PUS10: variants seen among roughly 807,000 people sequenced by gnomAD.
PUS10 encodes tRNA pseudouridine synthase Pus10.
A neutral mutation model predicts 75.0 loss-of-function variants in PUS10; 59 were observed. The ratio of observed to expected loss-of-function variants is 0.79; its 90% CI spans 0.64 to 0.98. The LOEUF (loss-of-function observed/expected upper bound fraction) is 0.98. Ranked by LOEUF, PUS10 falls within the 50% of genes least tolerant of loss-of-function variation. The pLI is 0.00. For missense variants in PUS10, 650 were observed against 614.4 expected, an observed-to-expected ratio of 1.06 and a Z score of -0.61; for synonymous variants, 219 against 211.6, an observed-to-expected ratio of 1.03 and a Z score of -0.30.
intron 4 of PUS10, 84 bp from the exon 5 acceptor site, chr2:60,971,641 G>A (rs2104416817): frequency 3.2e-6 from 4 of 1,269,266 alleles, no homozygotes; most frequent in South Asian, 2.5e-5. Flanking sequence ...TTACTGAAGT[G>A]CTTAACTATT....
chr2:60,972,800 C>G (rs934688706), intron 4 of PUS10, among the ~76,000 whole-genome samples: 6 of 152,200 alleles, frequency 3.9e-5, no homozygotes, highest in Non-Finnish European at 8.8e-5. Context: ...TTCGGATGAC[C>G]AGTAGGGTAC....
Position 60,948,093 on chromosome 2 carries a change from C to T in PUS10, c.1401G>A (p.Gln467=), listed in dbSNP as rs770325223. 1 of 1,614,012 alleles carries T rather than the reference C, an allele frequency of 6.2e-7. No individual in the cohort carries two copies. Residue 467 remains glutamine, a synonymous_variant, in exon 16 of 18, where the codon CAG becomes CAA. Coordinates refer to ENST00000316752, the MANE Select transcript of PUS10 (RefSeq NM_144709.4). The stretch of plus-strand genomic sequence containing the variant: ...GGCGGAAGTGGTGCTCATCCACGTA[C>T]TGTGTCTCCATGAAGTGAATGACGC... ...RARVIHFMET[Q]YVDEHHFRLH... is the part of the protein sequence containing the mutation.
intron 4 of PUS10, among the ~76,000 whole-genome samples, chr2:61,000,428 C>T (rs1034439730): frequency 6.6e-6 from 1 of 152,154 alleles, no homozygotes; most frequent in African/African-American, 2.4e-5. Flanking sequence ...TAAAACAACA[C>T]CAATTTATTA....
At chr2:60,952,786 G>A (rs1675422353) in intron 15 of PUS10, among the ~76,000 whole-genome samples, 2 of 152,212 alleles carry the variant, frequency 1.3e-5, no homozygotes. Flanking sequence ...TCAGAGTGGG[G>A]GTCTTCCCCA....
intron 2 of PUS10, chr2:61,010,485 C>A (rs1260329221): frequency 1.8e-5 from 4 of 219,610 alleles, no homozygotes; most frequent in Non-Finnish European, 2.8e-5. Flanking sequence ...TGCCATGGCG[C>A]CCAGCTAATA....
intron 16 of PUS10, among the ~76,000 whole-genome samples, chr2:60,947,840 A>G (rs1675057205): frequency 6.6e-6 from 1 of 151,248 alleles, no homozygotes; most frequent in Non-Finnish European, 1.5e-5. Flanking sequence ...AAAAAAAAAA[A>G]AAAAAAAAAA....
intron 16 of PUS10, among the ~76,000 whole-genome samples, chr2:60,945,921 T>A (rs1000038355): frequency 3.3e-5 from 5 of 152,216 alleles, no homozygotes; most frequent in Admixed American, 1.3e-4. Context: ...TAGAAAATAA[T>A]TAATGGAACT....
In PUS10 at chr2:60,960,476, A is replaced by G; in HGVS notation, c.916T>C (p.Trp306Arg). The change falls in exon 11 of 18, where the codon TGG becomes CGG. Residue 306 changes from tryptophan to arginine, a missense_variant. Transcript: ENST00000316752. ...KYSRNLPQTPWIIDGERKLES... is the reference protein window; with the variant it reads ...KYSRNLPQTPRIIDGERKLES... ...AGCTTCCTTTCTCCATCAATTATCC[A>G]AGGAGTTTGTGGTAGATTCCTGGAG... 6.4e-7 allele frequency: 1 copy of G among 1,573,458 alleles called. No individual in the cohort carries two copies.
chr2:60,957,010 A>G (rs1336817638), intron 11 of PUS10, among the ~76,000 whole-genome samples: 1 of 151,362 alleles, frequency 6.6e-6, no homozygotes, highest in Non-Finnish European at 1.5e-5. Context: ...AGAAAGAAAA[A>G]AAAAGAAAAA....
In PUS10 at chr2:60,961,537, C is replaced by G; in HGVS notation, c.800G>C (p.Cys267Ser). 6.2e-7 allele frequency: 1 copy of G among 1,613,552 alleles called. No homozygotes were observed. The highest frequency in any genetic ancestry group is 2.2e-5 in the East Asian group (1 of 44,874). The change falls in exon 10 of 18, where the codon TGT becomes TCT. Residue 267 changes from cysteine to serine, a missense_variant. Transcript: ENST00000316752. ...KEEDFLKQFPCPPNSPKAVCA... is the reference protein window; with the variant it reads ...KEEDFLKQFPSPPNSPKAVCA... ...TACAGCCTTTGGTGAGTTTGGAGGA[C>G]AAGGAAACTGCCTGCAAAACAAAAT...
intron 4 of PUS10, among the ~76,000 whole-genome samples, chr2:60,974,990 C>T (rs1391606809): frequency 6.6e-6 from 1 of 152,244 alleles, no homozygotes; most frequent in Non-Finnish European, 1.5e-5. Context: ...CCCGTAACAC[C>T]AGTGCCTGAA....
chr2:60,980,210 ACT>A (rs1435065992), intron 4 of PUS10, among the ~76,000 whole-genome samples: 1 of 152,172 alleles, frequency 6.6e-6, no homozygotes, highest in Non-Finnish European at 1.5e-5. Flanking sequence ...ATTTCAGGTA[ACT>A]CTAGAGTTAA....
chr2:61,015,725 G>A lies in PUS10; in HGVS notation c.-16+2283C>T, dbSNP rs948999320. Among the ~76,000 whole-genome samples the A allele has an allele frequency of 2.5e-4, 38 of 151,944 alleles. 1 individual carries two copies. The highest frequency in any genetic ancestry group is 1.5e-4 in the Non-Finnish European group (10 of 67,970). ...ATAAATAAATAAATAAGATCTGTGT[G>A]GTCAAGGTCAAGTCATTACTATTTA... is the stretch of plus-strand genomic sequence containing the variant. On this transcript the variant is annotated intron_variant, in intron 1 of 17. Coordinates refer to ENST00000316752, the MANE Select transcript of PUS10 (RefSeq NM_144709.4).
rs573043982 is a variant in PUS10, at chr2:60,948,655, G to C, written c.1309-470C>G. ...AAAAGTTATGAATACATCTTGTTTA[G>C]GGTGACATTTCAATATAATAATTAC... On this transcript the variant is annotated intron_variant, in intron 15 of 17. Coordinates refer to ENST00000316752, the MANE Select transcript of PUS10 (RefSeq NM_144709.4). Among the ~76,000 whole-genome samples the C allele has an allele frequency of 2.2e-4, 33 of 152,250 alleles. No individual in the cohort carries two copies. The Middle Eastern group carries it at 0.027, about 126-fold the overall frequency.
intron 1 of PUS10, among the ~76,000 whole-genome samples, chr2:61,015,896 CTAAGTTA>C (rs1559014671): frequency 6.6e-6 from 1 of 152,120 alleles, no homozygotes; most frequent in African/African-American, 2.4e-5. Flanking sequence ...ACCTGTTACT[CTAAGTTA>C]TTTTTTCTCC....
At chr2:60,960,356 A>AT in intron 11 of PUS10, 36 bp downstream of exon 11, 1 of 1,465,422 alleles carries the variant, frequency 6.8e-7, no homozygotes, top group Non-Finnish European at 9.0e-7. Flanking sequence ...AAAAAAAAAA[A>AT]AAAAGAAAGA....
At chr2:61,005,612 C>T (rs1044058504) in intron 4 of PUS10, among the ~76,000 whole-genome samples, 1 of 152,190 alleles carries the variant, frequency 6.6e-6, no homozygotes, top group Non-Finnish European at 1.5e-5. Context: ...GATGGCACAT[C>T]AGTGAGAAAT....
chr2:60,943,540 T>C (rs1470636167), intron 17 of PUS10, among the ~76,000 whole-genome samples: 1 of 151,796 alleles, frequency 6.6e-6, no homozygotes. Context: ...AAACATAAAA[T>C]TATTTACTGA....
In PUS10 at chr2:61,018,067, T is replaced by C. The variant is rs1191327135; in HGVS notation, c.-75A>G. 6.7e-7 allele frequency: 1 copy of C among 1,501,988 alleles called. No individual in the cohort carries two copies. The highest frequency in any genetic ancestry group is 8.9e-7 in the Non-Finnish European group (1 of 1,125,138). 93.0% of individuals were successfully genotyped at this position (1,501,988 alleles called of 1,614,324 possible). On this transcript the variant is annotated 5_prime_UTR_variant, in exon 1 of 18. Coordinates refer to ENST00000316752, the MANE Select transcript of PUS10 (RefSeq NM_144709.4). ...ACCCGGCAGCTCTAATCAGCAACGT[T>C]TTTTTCGGGAGCTCCTGGGCGTCTC...
Sources: allele counts gnomAD v4.1 joint callset (sites outside exome capture counted in the v4.1 genomes callset), GRCh38; gene constraint gnomAD v4.1.1; transcripts MANE v1.5; gene names NCBI Gene and HGNC (gene_info 2026-07-23, HGNC 2026-07-21).